PELI2: variants seen among roughly 807,000 people sequenced by gnomAD.
The protein encoded by PELI2 is pellino E3 ubiquitin protein ligase family member 2, also known as E3 ubiquitin-protein ligase pellino homolog 2.
In PELI2, 23 loss-of-function variants were observed where a neutral mutation model predicts 42.3. The observed-to-expected ratio is 0.54, with a 90% confidence interval of 0.39 to 0.77. PELI2 has a LOEUF of 0.77. Ranked by LOEUF, PELI2 falls within the 30% of genes least tolerant of loss-of-function variation. The pLI is 0.00. For missense variants in PELI2, 463 were observed against 553.2 expected (o/e 0.84, Z 1.64); for synonymous variants, 245 against 212.2 (o/e 1.15, Z -1.34).
At position 56,180,146 on chromosome 14, in the gene PELI2, C is replaced by A. The variant is rs908595437; in HGVS notation, c.207+1682C>A. On this transcript the variant is annotated intron_variant, in intron 2 of 5. Transcript: ENST00000267460. The surrounding 1 kb of genome is among the most constrained non-coding windows in gnomAD (Gnocchi z 4.4). ...TCTAAGTCTGTGTTTAAAAATATTA[C>A]CCACAGTACTAAAAGTAGGGCAGAT... Among the ~76,000 whole-genome samples, 1 of 152,060 alleles carries A rather than the reference C, an allele frequency of 6.6e-6. No homozygotes were observed. Among genetic ancestry groups the A allele is most frequent in the East Asian group, 1.9e-4 (1 of 5,190 alleles).
chr14:56,282,537 T>C (rs148198688), intron 3 of PELI2, among the ~76,000 whole-genome samples: 2 of 152,060 alleles, frequency 1.3e-5, no homozygotes, highest in Non-Finnish European at 2.9e-5. Context: ...CAGGGAGATA[T>C]TTTACACTTT....
chr14:56,133,243 C>A (rs1235785410), intron 1 of PELI2, among the ~76,000 whole-genome samples: 1 of 152,070 alleles, frequency 6.6e-6, no homozygotes, highest in Non-Finnish European at 1.5e-5. Flanking sequence ...TGCTAAAAAT[C>A]ATTTAAAATA....
chr14:56,224,293 A>G lies in PELI2; in HGVS notation c.207+45829A>G, dbSNP rs554175074. On this transcript the variant is annotated intron_variant, in intron 2 of 5. Transcript: ENST00000267460. ...CCTCATAGAGACGTGATTTAGACTC[A>G]GGGAAAAGCAGATTCTGGCATTGTT... Among the ~76,000 whole-genome samples the G allele has an allele frequency of 4.2e-4, 64 of 152,356 alleles. 4 individuals carry two copies. The South Asian group carries it at 9.1e-3, about 22-fold the overall frequency.
intron 1 of PELI2, among the ~76,000 whole-genome samples, chr14:56,158,498 C>T (rs982904583): frequency 6.6e-6 from 1 of 152,106 alleles, no homozygotes; most frequent in Non-Finnish European, 1.5e-5. Flanking sequence ...CATGCCACCA[C>T]ACCTGGCTAA....
chr14:56,143,048 C>CT (rs142740663), intron 1 of PELI2, among the ~76,000 whole-genome samples: 4 of 151,076 alleles, frequency 2.6e-5, no homozygotes, highest in African/African-American at 7.3e-5. Context: ...TTCCCCAATC[C>CT]TTTTTTTTTG....
At chr14:56,270,590 A>G (rs954682848) in intron 2 of PELI2, among the ~76,000 whole-genome samples, 8 of 152,228 alleles carry the variant, frequency 5.3e-5, no homozygotes, top group Admixed American at 4.6e-4. Context: ...AATATCTAGC[A>G]TATACTTAAA....
chr14:56,277,420 C>T (rs1889333690), intron 2 of PELI2, among the ~76,000 whole-genome samples: 1 of 151,812 alleles, frequency 6.6e-6, no homozygotes, highest in South Asian at 2.1e-4. Context: ...TCTCCATCAC[C>T]CTCAGATGGG....
chr14:56,139,327 G>A (rs1343645142), intron 1 of PELI2, among the ~76,000 whole-genome samples: 1 of 152,138 alleles, frequency 6.6e-6, no homozygotes, highest in Non-Finnish European at 1.5e-5. Context: ...TTTGTGCTTG[G>A]TAGTTCTGTG....
intron 2 of PELI2, among the ~76,000 whole-genome samples, chr14:56,222,467 A>G (rs1000640415): frequency 2.0e-5 from 3 of 152,244 alleles, no homozygotes; most frequent in African/African-American, 4.8e-5. Flanking sequence ...GAAGCTCACC[A>G]CGTGCCTGTG....
intron 1 of PELI2, among the ~76,000 whole-genome samples, chr14:56,121,529 T>C (rs1183742549): frequency 6.6e-6 from 1 of 152,200 alleles, no homozygotes; most frequent in African/African-American, 2.4e-5. Context: ...TGTCCACTAC[T>C]TAACTGAAGG....
chr14:56,241,716 T>A (rs549635902), intron 2 of PELI2, among the ~76,000 whole-genome samples: 2 of 151,802 alleles, frequency 1.3e-5, no homozygotes, highest in Admixed American at 1.3e-4. Flanking sequence ...GAGGGGAAAA[T>A]GAGGTTTGAT....
intron 1 of PELI2, among the ~76,000 whole-genome samples, chr14:56,142,754 CA>C (rs1183282781): frequency 6.6e-6 from 1 of 151,646 alleles, no homozygotes; most frequent in Admixed American, 6.6e-5. Flanking sequence ...ACATAGCCTT[CA>C]TGTTTCAAAT....
At chr14:56,257,533 A>G (rs1392814163) in intron 2 of PELI2, among the ~76,000 whole-genome samples, 1 of 139,748 alleles carries the variant, frequency 7.2e-6, no homozygotes, top group Non-Finnish European at 1.5e-5. Flanking sequence ...ATATGTATCT[A>G]TGTATATATT....
intron 1 of PELI2, among the ~76,000 whole-genome samples, chr14:56,125,450 G>C (rs1366131679): frequency 6.6e-6 from 1 of 151,976 alleles, no homozygotes; most frequent in Non-Finnish European, 1.5e-5. Flanking sequence ...GAAATGCTAG[G>C]GATAAGGTAG....
At chr14:56,228,147 A>T (rs1394577130) in intron 2 of PELI2, among the ~76,000 whole-genome samples, 1 of 152,256 alleles carries the variant, frequency 6.6e-6, no homozygotes, top group African/African-American at 2.4e-5. Context: ...ATTTCAGGAG[A>T]TAATAGAACA....
chr14:56,296,180 C>A (rs1232768857), intron 5 of PELI2, among the ~76,000 whole-genome samples: 1 of 152,190 alleles, frequency 6.6e-6, no homozygotes, highest in Non-Finnish European at 1.5e-5. Context: ...CCCGCAAGAT[C>A]TTCTGGATTG....
chr14:56,265,323 C>CAT (rs1888860400), intron 2 of PELI2, among the ~76,000 whole-genome samples: 1 of 151,888 alleles, frequency 6.6e-6, no homozygotes, highest in South Asian at 2.1e-4. Flanking sequence ...GAAATAGACC[C>CAT]ATATATATAT....
intron 1 of PELI2, among the ~76,000 whole-genome samples, chr14:56,163,802 A>G (rs1884853299): frequency 6.6e-6 from 1 of 152,018 alleles, no homozygotes; most frequent in African/African-American, 2.4e-5. Context: ...CTAGGTATTT[A>G]ATTTTATGTG....
At chr14:56,268,977 G>T (rs1018271862) in intron 2 of PELI2, among the ~76,000 whole-genome samples, 5 of 152,182 alleles carry the variant, frequency 3.3e-5, no homozygotes, top group African/African-American at 9.7e-5. Context: ...AAAGGCAGAA[G>T]AACTTTGAAA....
Sources: gnomAD v4.1 joint callset for allele counts (sites outside exome capture counted in the v4.1 genomes callset) on GRCh38, gnomAD v4.1.1 for gene constraint, Gnocchi (gnomAD v3.1) non-coding constraint, MANE v1.5 for transcripts, NCBI Gene and HGNC (gene_info 2026-07-23, HGNC 2026-07-21) for gene names.